The following DCTN1 variants were observed in gnomAD, a reference collection of about 807,000 sequenced individuals.
DCTN1 encodes 150 kDa dynein-associated polypeptide.
Under a neutral mutation model 161.2 loss-of-function variants are expected in DCTN1, and 61 were observed. The ratio of observed to expected loss-of-function variants is 0.38; its 90% CI spans 0.31 to 0.47. The LOEUF is 0.47. Ranked by LOEUF, DCTN1 falls within the 20% of genes least tolerant of loss-of-function variation. The probability of loss-of-function intolerance (pLI) is 0.99; values close to 1 mark genes in which losing one functional copy is unlikely to be tolerated. For synonymous variants in DCTN1, 653 were observed against 632.4 expected (o/e 1.03, Z -0.49); for missense variants, 1,404 against 1,623.7 (o/e 0.86, Z 2.33).
chr2:74,363,002 G>C lies in DCTN1; in HGVS notation c.3521C>G (p.Thr1174Ser). ...GGTTGGCAGGTACATACCAGGGCTG[G>C]TGCGAGTGATGTCTACTACGTGCGT... ...THTHVVDITR[T>S]SPAAKSPSAQ... Residue 1174 changes from threonine to serine, a missense_variant, in exon 29 of 32, where the codon ACC becomes AGC. Physicochemically the swap from Thr to Ser is moderately conservative, Grantham distance 58. Coordinates refer to ENST00000628224, the MANE Select transcript of DCTN1 (RefSeq NM_004082.5). The C allele has an allele frequency of 6.2e-7, 1 of 1,612,970 alleles. No homozygotes were observed. The highest frequency in any genetic ancestry group is 1.1e-5 in the South Asian group (1 of 90,896).
At position 74,366,943 on chromosome 2, in the gene DCTN1, A is replaced by T; in HGVS notation, c.2317-11T>A. The T allele has an allele frequency of 6.2e-7, 1 of 1,614,206 alleles. No homozygotes were observed. The highest frequency in any genetic ancestry group is 8.5e-7 in the Non-Finnish European group (1 of 1,180,028). On this transcript the variant is annotated splice_polypyrimidine_tract_variant and intron_variant, in intron 20 of 31. Coordinates refer to ENST00000628224, the MANE Select transcript of DCTN1 (RefSeq NM_004082.5). ...AGCCTCCTGCCCACCCTACTCAGGA[A>T]AAAGAAAATGGATGGAGAACCAAGT...
chr2:74,370,383 G>T lies in DCTN1; in HGVS notation c.1128-38C>A. 6.2e-7 allele frequency: 1 copy of T among 1,614,044 alleles called. No homozygotes were observed. Among genetic ancestry groups the T allele is most frequent in the Non-Finnish European group, 8.5e-7 (1 of 1,180,016 alleles). ...GAGGAAGGCAGAAGGAGGAAAGCACGTGTCAGAGTCTCTGGCGATGGGTGC... is the reference window on the plus strand; with the variant it reads ...GAGGAAGGCAGAAGGAGGAAAGCACTTGTCAGAGTCTCTGGCGATGGGTGC... On this transcript the variant is annotated intron_variant, in intron 11 of 31. Transcript: ENST00000628224. This position sits in a 1 kb window ranked among gnomAD's most constrained non-coding sequence, Gnocchi z 4.4.
intron 1 of DCTN1, among the ~76,000 whole-genome samples, chr2:74,390,960 T>C (rs1249898943): frequency 6.6e-6 from 1 of 152,200 alleles, no homozygotes; most frequent in African/African-American, 2.4e-5. Context: ...ATACCCCCAG[T>C]TGGAGATTCA....
intron 4 of DCTN1, 31 bp downstream of exon 4, chr2:74,377,401 T>G: frequency 6.3e-7 from 1 of 1,596,034 alleles, no homozygotes. Context: ...CTCCCTTTAT[T>G]ATTCCCCATT....
Position 74,371,612 on chromosome 2 carries a change from C to T in DCTN1, c.570G>A (p.Pro190=), listed in dbSNP as rs528908728. The T allele has an allele frequency of 2.3e-5, 36 of 1,589,374 alleles. No homozygotes were observed. The African/African-American group carries it at 2.7e-4, about 12-fold the overall frequency. ...GCGTGGGGATGATGGGTGCTGCCAG[C>T]GGAGTCTGAGCCGGGGTGCTGGGCT... is the stretch of plus-strand genomic sequence containing the variant. ...SSEPSTPAQT[P]LAAPIIPTPV... The change falls in exon 8 of 32, where the codon CCG becomes CCA. Residue 190 remains proline (P), a synonymous_variant. Coordinates refer to ENST00000628224, the MANE Select transcript of DCTN1 (RefSeq NM_004082.5).
At chr2:74,363,970 C>T (rs1396576292) in intron 26 of DCTN1, 2 of 417,452 alleles carry the variant, frequency 4.8e-6, no homozygotes, top group Admixed American at 3.6e-5. Flanking sequence ...ACGGAGAATG[C>T]TCCAGAGACC....
chr2:74,391,782 G>C (rs1472698338), intron 1 of DCTN1: 2 of 453,498 alleles, frequency 4.4e-6, no homozygotes, highest in Non-Finnish European at 8.8e-6. Context: ...TGGCAGAGTC[G>C]CGCCTCCGTA....
At position 74,361,505 on chromosome 2, in the gene DCTN1, G is replaced by T. The variant is rs1030107900; in HGVS notation, c.3831C>A (p.Ile1277=). ...EQLHQLHSRL[I]S ...CAGCAGGGGAAAGGAGTGCTTAGGA[G>T]ATGAGGCGACTGTGAAGCTGGTGCA... The change falls in exon 32 of 32, where the codon ATC becomes ATA. Residue 1277 remains isoleucine (I), a synonymous_variant. Coordinates refer to ENST00000628224, the MANE Select transcript of DCTN1 (RefSeq NM_004082.5). 1 of 1,614,160 alleles carries T rather than the reference G, an allele frequency of 6.2e-7. No individual in the cohort carries two copies. The highest frequency in any genetic ancestry group is 8.5e-7 in the Non-Finnish European group (1 of 1,180,022).
chr2:74,390,902 C>A (rs1229356721), intron 1 of DCTN1, among the ~76,000 whole-genome samples: 2 of 152,118 alleles, frequency 1.3e-5, no homozygotes, highest in Non-Finnish European at 2.9e-5. Flanking sequence ...GAGGCATCAC[C>A]CAAGAATAAC....
chr2:74,377,930 C>G, intron 2 of DCTN1, 70 bp downstream of exon 2: 8 of 1,603,602 alleles, frequency 5.0e-6, no homozygotes, highest in Non-Finnish European at 6.8e-6. Context: ...AAACGAAGTA[C>G]CAACACATCA....
At position 74,377,587 on chromosome 2, in the gene DCTN1, G is replaced by A. The variant is rs1331941065; in HGVS notation, c.358+61C>T. The A allele has an allele frequency of 3.3e-6, 5 of 1,536,746 alleles. No homozygotes were observed. In the African/African-American group the frequency reaches 4.1e-5, roughly 13 times the overall value. ...GATCTACTGTGGCCCCATGTTATGA[G>A]GAGAAGTCCTGGGGACTCCTCCTGG... On this transcript the variant is annotated intron_variant, in intron 3 of 31. Transcript: ENST00000628224.
chr2:74,365,786 C>T, intron 24 of DCTN1, 107 bp downstream of exon 24: 1 of 1,611,360 alleles, frequency 6.2e-7, no homozygotes, highest in Non-Finnish European at 8.5e-7. Flanking sequence ...GGCCCCACTT[C>T]TCCCCTTAAC....
At chr2:74,368,434 T>C in intron 16 of DCTN1, 1 of 608,674 alleles carries the variant, frequency 1.6e-6, no homozygotes. Context: ...ATCCTGCCCA[T>C]CATCCCCAAG....
rs1192491850 is a variant in DCTN1, at chr2:74,371,525, C to T, written c.645+12G>A. 2 of 1,561,138 alleles carry T rather than the reference C, an allele frequency of 1.3e-6. No homozygotes were observed. Among genetic ancestry groups the T allele is most frequent in the East Asian group, 2.4e-5 (1 of 42,048 alleles). ...TGTCTTGATTCTCCTTTACCCCTACCCCAGGCCTTACCTTGGATGGGGAAG... is the reference window on the plus strand; with the variant it reads ...TGTCTTGATTCTCCTTTACCCCTACTCCAGGCCTTACCTTGGATGGGGAAG... On this transcript the variant is annotated intron_variant, in intron 8 of 31. Transcript: ENST00000628224.
At chr2:74,362,277 C>A in intron 30 of DCTN1, 136 bp from the exon 31 acceptor site, 1 of 745,468 alleles carries the variant, frequency 1.3e-6, no homozygotes. Flanking sequence ...CTTTTGCTCT[C>A]ATCTCCAACC....
intron 6 of DCTN1, chr2:74,373,318 G>C (rs1017415694): frequency 5.8e-6 from 2 of 344,772 alleles, no homozygotes; most frequent in South Asian, 5.4e-5. Context: ...TCCAACTCCA[G>C]TCCAGAGCCA....
At chr2:74,363,836 TGA>T in intron 26 of DCTN1, 1 of 676,640 alleles carries the variant, frequency 1.5e-6, no homozygotes. Context: ...CAAACAGGAG[TGA>T]GGCCACAAGA....
intron 6 of DCTN1, among the ~76,000 whole-genome samples, chr2:74,373,872 C>T (rs1675047594): frequency 6.6e-6 from 1 of 152,212 alleles, no homozygotes; most frequent in Admixed American, 6.5e-5. Flanking sequence ...TCTAGGTTCC[C>T]CATCCCACCC....
intron 16 of DCTN1, 132 bp from the exon 17 acceptor site, chr2:74,368,263 T>C (rs1674572430): frequency 8.1e-7 from 1 of 1,241,394 alleles, no homozygotes; most frequent in Non-Finnish European, 1.1e-6. Flanking sequence ...GAAATAGCTC[T>C]TACCTGGGTG....
Sources: gnomAD v4.1 joint callset for allele counts (sites outside exome capture counted in the v4.1 genomes callset) on GRCh38, gnomAD v4.1.1 for gene constraint, Gnocchi (gnomAD v3.1) non-coding constraint, MANE v1.5 for transcripts, NCBI Gene and HGNC (gene_info 2026-07-23, HGNC 2026-07-21) for gene names.